RHEBL1: variants seen among roughly 807,000 people sequenced by gnomAD.
RHEBL1 encodes the protein RHEB like 1.
Under a neutral mutation model 27.4 loss-of-function variants are expected in RHEBL1, and 22 were observed. The ratio of observed to expected loss-of-function variants is 0.80; its 90% confidence interval spans 0.57 to 1.15. The LOEUF is 1.15. RHEBL1 is among the 50% of genes most tolerant of loss of function. The pLI is 0.00. For missense variants in RHEBL1, 186 were observed against 226.5 expected, an observed-to-expected ratio of 0.82 and a Z score of 1.15; for synonymous variants, 85 against 80.8, an observed-to-expected ratio of 1.05 and a Z score of -0.28.
rs1323914958 is a variant in RHEBL1, at chr12:49,069,968, A to G, written c.-183T>C. 1 of 610,808 alleles carries G rather than the reference A, an allele frequency of 1.6e-6. No homozygotes were observed. The highest frequency in any genetic ancestry group is 2.9e-6 in the Non-Finnish European group (1 of 343,058). 37.8% of individuals were successfully genotyped at this position (610,808 alleles called of 1,614,324 possible). A position where few individuals can be genotyped will look rare whatever the true frequency, so the allele number is the denominator to read the frequency against. ...GGAGCTGCCCACGTGATCACAACAC[A>G]GCACGTCTAACGCCAGGGAGCCGGG... On this transcript the variant is annotated 5_prime_UTR_variant, in exon 1 of 8. Transcript: ENST00000301068.
At chr12:49,067,982 AT>A (rs1939024390) in intron 2 of RHEBL1, among the ~76,000 whole-genome samples, 1 of 152,154 alleles carries the variant, frequency 6.6e-6, no homozygotes, top group African/African-American at 2.4e-5. Context: ...CTATTTTGAA[AT>A]GTAAAATAGC....
chr12:49,065,525 G>A (rs1252516341), intron 6 of RHEBL1, 94 bp from the exon 7 acceptor site: 5 of 1,027,952 alleles, frequency 4.9e-6, no homozygotes, highest in Non-Finnish European at 7.6e-6. Context: ...GCCAGGCACA[G>A]TGGCTCATGC....
At position 49,066,525 on chromosome 12, in the gene RHEBL1, C is replaced by T. The variant is rs2120756019; in HGVS notation, c.283G>A (p.Val95Ile). The T allele has an allele frequency of 6.2e-7, 1 of 1,614,126 alleles. No individual in the cohort carries two copies. The highest frequency in any genetic ancestry group is 2.2e-5 in the East Asian group (1 of 44,886). Residue 95 changes from valine (V) to isoleucine (I), a missense_variant, in exon 5 of 8, where the codon GTC (valine) becomes ATC (isoleucine). By Grantham distance (29) the Val-to-Ile change is conservative (BLOSUM62 3). Transcript: ENST00000301068. ...YSVTSLHSFQ[V>I]IESLYQKLHE... ...AGCTTTTGGTACAGACTCTCAATGA[C>T]TTGGAAGCTTTAAACACAAGAATTG... is the stretch of plus-strand genomic sequence containing the variant.
chr12:49,064,842 T>C lies in RHEBL1; in HGVS notation c.*261A>G. On this transcript the variant is annotated 3_prime_UTR_variant, in exon 8 of 8. Transcript: ENST00000301068. ...GCCCAGGACTCATATCCTGACCCCA[T>C]AGGTTATAACAGAATTCATCAAACA... The C allele has an allele frequency of 2.1e-6, 1 of 470,216 alleles. No homozygotes were observed. The highest frequency in any genetic ancestry group is 2.6e-5 in the South Asian group (1 of 38,300). 29.1% of individuals were successfully genotyped at this position (470,216 alleles called of 1,614,324 possible). A position where few individuals can be genotyped will look rare whatever the true frequency, so the allele number is the denominator to read the frequency against.
intron 6 of RHEBL1, 89 bp downstream of exon 6, chr12:49,066,142 T>C (rs1938993236): frequency 3.0e-6 from 3 of 995,764 alleles, no homozygotes; most frequent in Non-Finnish European, 4.8e-6. Flanking sequence ...AATGACTTGT[T>C]TGAGTCAGTG....
intron 1 of RHEBL1, 39 bp downstream of exon 1, chr12:49,069,695 A>AGCT (rs1205208228): frequency 6.2e-7 from 1 of 1,601,470 alleles, no homozygotes; most frequent in South Asian, 1.1e-5. Context: ...CTGGCTACAA[A>AGCT]GCTGCTGCGC....
chr12:49,069,299 G>C, intron 1 of RHEBL1, 193 bp from the exon 2 acceptor site: 2 of 891,050 alleles, frequency 2.2e-6, no homozygotes, highest in Non-Finnish European at 3.3e-6. Context: ...TTGGCTACCG[G>C]ATGCATTCAG....
At chr12:49,069,695 A>T (rs1319070292) in intron 1 of RHEBL1, 39 bp downstream of exon 1, 7 of 1,601,352 alleles carry the variant, frequency 4.4e-6, no homozygotes, top group Non-Finnish European at 6.0e-6. Flanking sequence ...CTGGCTACAA[A>T]GCTGCTGCGC....
chr12:49,069,807 C>T lies in RHEBL1; in HGVS notation c.-22G>A. 2.5e-6 allele frequency: 4 copies of T among 1,612,110 alleles called. No individual in the cohort carries two copies. The highest frequency in any genetic ancestry group is 1.7e-6 in the Non-Finnish European group (2 of 1,178,712). On this transcript the variant is annotated 5_prime_UTR_variant, in exon 1 of 8. Transcript: ENST00000301068. ...GCATGGCAGGAGCCCGCCCCAGGGG[C>T]TTGCGGAACTGCGGGCTCAGAGAGC...
At chr12:49,067,090 G>T in intron 2 of RHEBL1, 55 bp from the exon 3 acceptor site, 16 of 1,006,416 alleles carry the variant, frequency 1.6e-5, no homozygotes, top group Non-Finnish European at 2.1e-5. Context: ...AGCGATGTAT[G>T]TCCCCTGACT....
intron 6 of RHEBL1, 48 bp downstream of exon 6, chr12:49,066,183 C>T: frequency 1.4e-6 from 2 of 1,475,002 alleles, no homozygotes; most frequent in Non-Finnish European, 1.9e-6. Context: ...TGACTGATTC[C>T]CAGTCCATTT....
chr12:49,069,829 G>A lies in RHEBL1; in HGVS notation c.-44C>T, dbSNP rs760771045. On this transcript the variant is annotated 5_prime_UTR_variant, in exon 1 of 8. Transcript: ENST00000301068. ...GGGCTTGCGGAACTGCGGGCTCAGA[G>A]AGCCCGAAAACGAGGTCAGGGTGTG... The A allele has an allele frequency of 3.8e-6, 6 of 1,589,554 alleles. No homozygotes were observed. Among genetic ancestry groups the A allele is most frequent in the Non-Finnish European group, 5.2e-6 (6 of 1,159,022 alleles).
At chr12:49,066,573 T>C (rs1939000311) in intron 4 of RHEBL1, 41 bp from the exon 5 acceptor site, 4 of 1,613,434 alleles carry the variant, frequency 2.5e-6, no homozygotes, top group African/African-American at 1.3e-5. Context: ...TATGAGACAG[T>C]CCTCAGGTTC....
chr12:49,067,547 G>A (rs1939017563), intron 2 of RHEBL1, among the ~76,000 whole-genome samples: 1 of 151,976 alleles, frequency 6.6e-6, no homozygotes, highest in African/African-American at 2.4e-5. Context: ...GGGAGGCCAG[G>A]GCAGGCGGAT....
intron 6 of RHEBL1, 118 bp downstream of exon 6, chr12:49,066,113 T>G: frequency 1.3e-6 from 1 of 766,832 alleles, no homozygotes; most frequent in Non-Finnish European, 2.3e-6. Context: ...AGCTTCAGGT[T>G]AGAGACAAAG....
Position 49,069,084 on chromosome 12 carries a change from T to C in RHEBL1, c.75A>G (p.Gln25=). 2 of 1,614,168 alleles carry C rather than the reference T, an allele frequency of 1.2e-6. No individual in the cohort carries two copies. The highest frequency in any genetic ancestry group is 1.1e-5 in the South Asian group (1 of 91,088). The change falls in exon 2 of 8, where the codon CAA becomes CAG. Residue 25 remains glutamine (Q), a synonymous_variant. Transcript: ENST00000301068. ...RCVGKTSLAH[Q]FVEGEFSEGY... ...CTTCCGAGAACTCGCCTTCCACAAA[T>C]TGATGTGCCAAAGATGTCTTCCCTG...
rs188025203 is a variant in RHEBL1, at chr12:49,064,989, G to A, written c.*114C>T. 3,432 of 755,132 alleles carry A rather than the reference G, an allele frequency of 4.5e-3. 22 individuals carry two copies. The highest frequency in any genetic ancestry group is 6.6e-3 in the Non-Finnish European group (2,837 of 428,480). The allele number at this position is 755,132 out of a possible 1,614,324, so 46.8% of individuals were successfully genotyped here. A position where few individuals can be genotyped will look rare whatever the true frequency, so the allele number is the denominator to read the frequency against. On this transcript the variant is annotated 3_prime_UTR_variant, in exon 8 of 8. Transcript: ENST00000301068. ...ATGAGGATGCCACACTGTGTGTCCA[G>A]GGGCCAGGAACACAGCTGGCAACCA...
At chr12:49,069,699 G>A (rs769577147) in intron 1 of RHEBL1, 35 bp downstream of exon 1, 2 of 1,605,192 alleles carry the variant, frequency 1.2e-6, no homozygotes, top group Non-Finnish European at 1.7e-6. Flanking sequence ...CTACAAAGCT[G>A]CTGCGCGTCC....
chr12:49,069,068 A>C lies in RHEBL1; in HGVS notation c.91T>G (p.Phe31Val). 6.2e-7 allele frequency: 1 copy of C among 1,613,934 alleles called. No homozygotes were observed. The highest frequency in any genetic ancestry group is 8.5e-7 in the Non-Finnish European group (1 of 1,179,954). Residue 31 changes from phenylalanine to valine, a missense_variant, in exon 2 of 8, where the codon TTC becomes GTC. By Grantham distance (50) the Phe-to-Val change is conservative. Coordinates refer to ENST00000301068, the MANE Select transcript of RHEBL1 (RefSeq NM_144593.3). ...ACTGTAGGATCGTAGCCTTCCGAGAACTCGCCTTCCACAAATTGATGTGCC... is the reference window on the plus strand; with the variant it reads ...ACTGTAGGATCGTAGCCTTCCGAGACCTCGCCTTCCACAAATTGATGTGCC... ...SLAHQFVEGE[F>V]SEGYDPTVEN...
Sources: allele counts gnomAD v4.1 joint callset (sites outside exome capture counted in the v4.1 genomes callset), GRCh38; gene constraint gnomAD v4.1.1; transcripts MANE v1.5; gene names NCBI Gene and HGNC (gene_info 2026-07-23, HGNC 2026-07-21).